The following RAB31 variants were observed in gnomAD, a reference collection of about 807,000 sequenced individuals.
RAB31 encodes RAB31, member RAS oncogene family, also known as ras-related protein Rab-31.
RAB31 carries 21 observed loss-of-function variants against 25.6 expected under a neutral mutation model. The observed-to-expected ratio is 0.82, with a 90% CI of 0.58 to 1.18. The LOEUF (loss-of-function observed/expected upper bound fraction) is 1.18, where lower values mean the gene tolerates loss of function less well. RAB31 is among the 50% of genes most tolerant of loss of function. RAB31 has a pLI of 0.00. For synonymous variants in RAB31, 87 were observed against 84.0 expected (o/e 1.04, Z -0.20); for missense variants, 196 against 250.1 (o/e 0.78, Z 1.46).
At chr18:9,849,976 A>T (rs2068780843) in intron 6 of RAB31, among the ~76,000 whole-genome samples, 1 of 152,210 alleles carries the variant, frequency 6.6e-6, no homozygotes, top group Non-Finnish European at 1.5e-5. Context: ...ACAAAAAAAG[A>T]TCACACTTAA....
At chr18:9,759,529 A>T (rs530365153) in intron 1 of RAB31, among the ~76,000 whole-genome samples, 1 of 149,952 alleles carries the variant, frequency 6.7e-6, no homozygotes, top group Non-Finnish European at 1.5e-5. Flanking sequence ...CTCATGAGGG[A>T]CCCTCTCACC....
At position 9,859,409 on chromosome 18, in the gene RAB31, G is replaced by C; in HGVS notation, c.*84G>C. The C allele has an allele frequency of 1.6e-6, 2 of 1,220,990 alleles. No homozygotes were observed. The highest frequency in any genetic ancestry group is 2.3e-6 in the Non-Finnish European group (2 of 854,392). 75.6% of individuals were successfully genotyped at this position (1,220,990 alleles called of 1,614,324 possible). On this transcript the variant is annotated 3_prime_UTR_variant, in exon 7 of 7. Transcript: ENST00000578921. ...TGAAGGACCCTACGCTCGGTGGCCT[G>C]GCACCTCACTTTGAGAAGAGTGAGC...
intron 5 of RAB31, among the ~76,000 whole-genome samples, chr18:9,821,263 T>C (rs1330838014): frequency 6.6e-6 from 1 of 152,110 alleles, no homozygotes; most frequent in Non-Finnish European, 1.5e-5. Flanking sequence ...TAGTATATGG[T>C]CTGTCCTGGG....
At chr18:9,829,524 G>A (rs749099577) in intron 5 of RAB31, among the ~76,000 whole-genome samples, 3 of 152,212 alleles carry the variant, frequency 2.0e-5, no homozygotes, top group Non-Finnish European at 4.4e-5. Flanking sequence ...GAACGTTCTT[G>A]CACATGTGTA....
At chr18:9,823,681 A>T (rs949517207) in intron 5 of RAB31, among the ~76,000 whole-genome samples, 3 of 152,204 alleles carry the variant, frequency 2.0e-5, no homozygotes, top group Admixed American at 1.3e-4. Flanking sequence ...TATGCATTAT[A>T]TATATTATAT....
At chr18:9,827,137 T>G (rs1446560802) in intron 5 of RAB31, among the ~76,000 whole-genome samples, 2 of 152,114 alleles carry the variant, frequency 1.3e-5, no homozygotes, top group African/African-American at 4.8e-5. Flanking sequence ...TTTCAGGCTT[T>G]CCTGGTCATT....
At chr18:9,836,361 A>G (rs1053137919) in intron 5 of RAB31, among the ~76,000 whole-genome samples, 2 of 152,196 alleles carry the variant, frequency 1.3e-5, no homozygotes, top group Non-Finnish European at 2.9e-5. Context: ...TTGTTTTAGG[A>G]AGCGCTAATG....
chr18:9,859,370 A>C lies in RAB31; in HGVS notation c.*45A>C. On this transcript the variant is annotated 3_prime_UTR_variant, in exon 7 of 7. Transcript: ENST00000578921. ...GGTACTTGAAGAAGCCAGAGCCCAC[A>C]TCCTGTGCACTGCTGAAGGACCCTA... 6.5e-7 allele frequency: 1 copy of C among 1,528,374 alleles called. No homozygotes were observed. Among genetic ancestry groups the C allele is most frequent in the Non-Finnish European group, 9.1e-7 (1 of 1,103,068 alleles). The allele number at this position is 1,528,374 out of a possible 1,614,324, so 94.7% of individuals were successfully genotyped here.
intron 1 of RAB31, among the ~76,000 whole-genome samples, chr18:9,724,234 G>T (rs2145460616): frequency 8.3e-6 from 1 of 119,954 alleles, no homozygotes; most frequent in East Asian, 2.4e-4. Context: ...TCCCGCCACT[G>T]CACTCCAGCC....
intron 6 of RAB31, among the ~76,000 whole-genome samples, chr18:9,858,677 G>A (rs566695704): frequency 6.6e-6 from 1 of 152,332 alleles, no homozygotes; most frequent in Non-Finnish European, 1.5e-5. Flanking sequence ...AAGTGTCTCT[G>A]TAGGGCTTTC....
At chr18:9,812,340 T>C (rs1359186832) in intron 3 of RAB31, among the ~76,000 whole-genome samples, 1 of 152,216 alleles carries the variant, frequency 6.6e-6, no homozygotes, top group African/African-American at 2.4e-5. Context: ...CTCCAGTATA[T>C]ATTCCTCTAA....
rs57381579 is a variant in RAB31 at position 9,796,355 on chromosome 18, C to A, written c.201+4120C>A. On this transcript the variant is annotated intron_variant, in intron 3 of 6. Transcript: ENST00000578921. ...AATTTACTCTTGTAAGCAAACACCA[C>A]CCATTCCCCAAAAACCTACTGAAAT... is the stretch of plus-strand genomic sequence containing the variant. Among the ~76,000 whole-genome samples, 637 of 152,144 alleles carry A rather than the reference C, an allele frequency of 4.2e-3. 2 individuals are homozygous for A. Among genetic ancestry groups the A allele is most frequent in the African/African-American group, 0.015 (611 of 41,490 alleles).
intron 1 of RAB31, among the ~76,000 whole-genome samples, chr18:9,743,170 T>C (rs2068188700): frequency 6.6e-6 from 1 of 152,248 alleles, no homozygotes. Context: ...AAATAATTTA[T>C]TTTCCTTGAA....
Position 9,860,579 on chromosome 18 carries a change from C to A in RAB31, c.*1254C>A, listed in dbSNP as rs1396838430. ...CTGATTCCTACTGAAAATTCAAATT[C>A]TATTACCATTCTAACTTTCATAAAA... On this transcript the variant is annotated 3_prime_UTR_variant, in exon 7 of 7. Transcript: ENST00000578921. 1 of 152,194 alleles carries A rather than the reference C, an allele frequency of 6.6e-6. No individual in the cohort carries two copies. The highest frequency in any genetic ancestry group is 1.5e-5 in the Non-Finnish European group (1 of 68,042). The allele number at this position is 152,194 out of a possible 1,614,324, so 9.4% of individuals were successfully genotyped here.
chr18:9,728,560 CAG>C (rs892575374), intron 1 of RAB31, among the ~76,000 whole-genome samples: 5 of 152,214 alleles, frequency 3.3e-5, no homozygotes, highest in Admixed American at 6.5e-5. Context: ...TGTTTTGAGA[CAG>C]GGGCTCATTC....
chr18:9,806,585 G>A (rs2068542998), intron 3 of RAB31, among the ~76,000 whole-genome samples: 2 of 152,194 alleles, frequency 1.3e-5, no homozygotes, highest in Admixed American at 1.3e-4. Context: ...GCGGGCCCAA[G>A]AAGGGACCAG....
At chr18:9,709,061 G>A (rs2145449163) in intron 1 of RAB31, among the ~76,000 whole-genome samples, 1 of 152,338 alleles carries the variant, frequency 6.6e-6, no homozygotes. Flanking sequence ...GACCTGTGCG[G>A]AGCGCGCCCT....
At position 9,734,102 on chromosome 18, in the gene RAB31, AGGAG is replaced by A. The variant is rs1206341097; in HGVS notation, c.39+25680_39+25683del. ...GAAGCTGGGGGGCAGGGTGGCGGGG[AGGAG>A]GGAGGGAGGGAGGGAGGGAGGAAGG... is the stretch of plus-strand genomic sequence containing the variant. On this transcript the variant is annotated intron_variant, in intron 1 of 6. Transcript: ENST00000578921. Among the ~76,000 whole-genome samples, 182 of 49,046 alleles carry A rather than the reference AGGAG, an allele frequency of 3.7e-3. 1 individual carries two copies. Among genetic ancestry groups the A allele is most frequent in the African/African-American group, 0.017 (166 of 9,542 alleles). The allele number at this position is 49,046 out of a possible 152,430, so 32.2% of individuals were successfully genotyped here. A position where few individuals can be genotyped will look rare whatever the true frequency, so the allele number is the denominator to read the frequency against.
chr18:9,856,316 AGCAGCAAAGAGGAAGGAGGTGGCG>A (rs1417952180), intron 6 of RAB31: 1 of 152,260 alleles, frequency 6.6e-6, no homozygotes, highest in Non-Finnish European at 1.5e-5. Flanking sequence ...AGAAATGAGA[AGCAGCAAAGAGGAAGGAGGTGGCG>A]GAAAGCGGGG....
Sources: gnomAD v4.1 joint callset for allele counts (sites outside exome capture counted in the v4.1 genomes callset) on GRCh38, gnomAD v4.1.1 for gene constraint, MANE v1.5 for transcripts, NCBI Gene and HGNC (gene_info 2026-07-23, HGNC 2026-07-21) for gene names.